ZDHHC11B: variants seen among roughly 807,000 people sequenced by gnomAD.
The protein encoded by ZDHHC11B is probable palmitoyltransferase ZDHHC11B.
In ZDHHC11B, 17 loss-of-function variants were observed where a neutral mutation model predicts 42.3. The observed-to-expected ratio is 0.40, with a 90% CI of 0.27 to 0.60. The LOEUF is 0.60. Ranked by LOEUF, ZDHHC11B falls within the 20% of genes least tolerant of loss-of-function variation. The probability of loss-of-function intolerance (pLI) is 0.41; values close to 1 mark genes in which losing one functional copy is unlikely to be tolerated. For missense variants in ZDHHC11B, 262 were observed against 463.2 expected (o/e 0.57, Z 3.99); for synonymous variants, 123 against 193.5 (o/e 0.64, Z 3.02).
chr5:739,179 A>G (rs1417386725), intron 10 of ZDHHC11B, among the ~76,000 whole-genome samples: 3 of 150,732 alleles, frequency 2.0e-5, no homozygotes, highest in Non-Finnish European at 2.9e-5. Flanking sequence ...CAGGCAGATC[A>G]CTTGAAGTCA....
At chr5:777,465 G>C (rs1736609375) in intron 1 of ZDHHC11B, among the ~76,000 whole-genome samples, 1 of 93,842 alleles carries the variant, frequency 1.1e-5, no homozygotes, top group Admixed American at 1.2e-4. Context: ...CACAAAAGCG[G>C]CGCGCACCCA....
At chr5:744,098 G>A (rs1376159910) in intron 9 of ZDHHC11B, among the ~76,000 whole-genome samples, 8 of 149,866 alleles carry the variant, frequency 5.3e-5, no homozygotes, top group Non-Finnish European at 7.4e-5. Flanking sequence ...CGTGGTTACC[G>A]TTCTCTATTG....
At chr5:760,031 G>GGT (rs1579397031) in intron 4 of ZDHHC11B, among the ~76,000 whole-genome samples, 2 of 151,906 alleles carry the variant, frequency 1.3e-5, no homozygotes, top group East Asian at 3.8e-4. Flanking sequence ...GGGGCACCAA[G>GGT]TGCTCCTTTA....
intron 9 of ZDHHC11B, 63 bp from the exon 10 acceptor site, chr5:741,691 A>C (rs1744177948): frequency 1.9e-6 from 3 of 1,552,348 alleles, no homozygotes; most frequent in Non-Finnish European, 2.6e-6. Flanking sequence ...GCTGATTCTT[A>C]CATAAAAGTC....
chr5:730,345 G>T, intron 12 of ZDHHC11B, 89 bp downstream of exon 12: 1 of 1,423,182 alleles, frequency 7.0e-7, no homozygotes, highest in Non-Finnish European at 9.5e-7. Context: ...ATTTGAACAT[G>T]TTAAATAGAG....
intron 12 of ZDHHC11B, among the ~76,000 whole-genome samples, chr5:717,100 C>T (rs1268673817): frequency 6.6e-6 from 1 of 151,334 alleles, no homozygotes; most frequent in South Asian, 2.1e-4. Context: ...GATATAGAGA[C>T]AAAGTGTGCT....
chr5:732,431 A>G, intron 11 of ZDHHC11B: 1 of 310,518 alleles, frequency 3.2e-6, no homozygotes, highest in Non-Finnish European at 6.4e-6. Flanking sequence ...AGAAACTCCC[A>G]TGAGCCCGTG....
intron 10 of ZDHHC11B, among the ~76,000 whole-genome samples, chr5:737,270 T>G (rs1264544426): frequency 1.4e-5 from 2 of 147,516 alleles, no homozygotes; most frequent in East Asian, 4.2e-4. Context: ...CAGGAAGAAA[T>G]AGAAACTCGT....
chr5:776,992 T>C (rs1202708065), intron 1 of ZDHHC11B, among the ~76,000 whole-genome samples: 3 of 151,926 alleles, frequency 2.0e-5, no homozygotes, highest in Admixed American at 6.6e-5. Context: ...CTGGCAGTTT[T>C]GAGTCCGTGC....
At chr5:736,583 T>G (rs1743544989) in intron 10 of ZDHHC11B, among the ~76,000 whole-genome samples, 1 of 146,796 alleles carries the variant, frequency 6.8e-6, no homozygotes, top group South Asian at 2.4e-4. Flanking sequence ...AAAACAAGTT[T>G]CAATGAATTT....
At chr5:742,632 T>C (rs1432667320) in intron 9 of ZDHHC11B, among the ~76,000 whole-genome samples, 2 of 149,860 alleles carry the variant, frequency 1.3e-5, no homozygotes, top group African/African-American at 4.9e-5. Flanking sequence ...GATACATAGT[T>C]TTTAGACATA....
At chr5:731,087 T>C (rs981250897) in intron 11 of ZDHHC11B, among the ~76,000 whole-genome samples, 7 of 151,820 alleles carry the variant, frequency 4.6e-5, no homozygotes, top group Admixed American at 4.6e-4. Flanking sequence ...GTTAAGAACC[T>C]GGGAGTGGGA....
chr5:780,621 C>T (rs1191047894), intron 1 of ZDHHC11B, among the ~76,000 whole-genome samples: 1 of 136,454 alleles, frequency 7.3e-6, no homozygotes, highest in African/African-American at 3.3e-5. Context: ...TGAAGAGAGG[C>T]GGCCCAGAAC....
chr5:724,371 A>ATTTTTTTTTTTTTTTTTTTTTTT, intron 12 of ZDHHC11B, among the ~76,000 whole-genome samples: 1 of 81,418 alleles, frequency 1.2e-5, no homozygotes, highest in Non-Finnish European at 2.3e-5. Flanking sequence ...AACCCAGCTA[A>ATTTTTTTTTTTTTTTTTTTTTTT]TTTTTTTTTT....
intron 12 of ZDHHC11B, among the ~76,000 whole-genome samples, chr5:722,339 A>G (rs188861042): frequency 2.0e-5 from 3 of 151,840 alleles, no homozygotes; most frequent in East Asian, 3.9e-4. Context: ...ATATATAAAA[A>G]CTCATATAAA....
chr5:780,520 G>C (rs1426511635), intron 1 of ZDHHC11B, among the ~76,000 whole-genome samples: 6 of 148,552 alleles, frequency 4.0e-5, no homozygotes, highest in Non-Finnish European at 8.9e-5. Context: ...CTGGTTAAAG[G>C]TTAAAAACAG....
intron 6 of ZDHHC11B, among the ~76,000 whole-genome samples, chr5:751,598 G>C (rs1234785643): frequency 8.1e-6 from 1 of 123,706 alleles, no homozygotes; most frequent in Non-Finnish European, 1.8e-5. Flanking sequence ...GACGCGCAGG[G>C]CATCTGGAGC....
rs1260281574 is a variant in ZDHHC11B at position 753,123 on chromosome 5, C to G, written c.504-1866G>C. Among the ~76,000 whole-genome samples the G allele has an allele frequency of 6.6e-4, 86 of 130,074 alleles. 22 individuals carry two copies. The highest frequency in any genetic ancestry group is 3.9e-3 in the Middle Eastern group (1 of 258). The allele number at this position is 130,074 out of a possible 152,430, so 85.3% of individuals were successfully genotyped here. A position where few individuals can be genotyped will look rare whatever the true frequency, so the allele number is the denominator to read the frequency against. ...CCAGGACACCAGCGCCGCCTGCCTT[C>G]TTTCCGTCCCCCTTCCTCTCTTATC... On this transcript the variant is annotated intron_variant, in intron 6 of 13. Coordinates refer to ENST00000508859, the MANE Select transcript of ZDHHC11B (RefSeq NM_001351303.2).
intron 12 of ZDHHC11B, among the ~76,000 whole-genome samples, chr5:717,894 A>G (rs1180725231): frequency 1.3e-5 from 2 of 151,756 alleles, no homozygotes; most frequent in South Asian, 2.1e-4. Flanking sequence ...GCTGCTGCAA[A>G]ACTTCCCAAA....
Sources: allele counts gnomAD v4.1 joint callset (sites outside exome capture counted in the v4.1 genomes callset), GRCh38; gene constraint gnomAD v4.1.1; transcripts MANE v1.5; gene names NCBI Gene and HGNC (gene_info 2026-07-23, HGNC 2026-07-21).